Variants in INPP4B observed in about 807,000 individuals in gnomAD.
INPP4B encodes the protein inositol polyphosphate-4-phosphatase type II B.
Under a neutral mutation model 122.5 loss-of-function variants are expected in INPP4B, and 55 were observed. That is an observed-to-expected ratio of 0.45 (90% CI 0.36 to 0.56). The LOEUF (loss-of-function observed/expected upper bound fraction) is 0.56, where lower values mean the gene tolerates loss of function less well. Among genes scored for constraint, INPP4B ranks in the 20% least tolerant of loss-of-function variants. The pLI is 0.00. For missense variants in INPP4B, 1,000 were observed against 1,097.7 expected, an observed-to-expected ratio of 0.91 and a Z score of 1.26; for synonymous variants, 403 against 388.7, an observed-to-expected ratio of 1.04 and a Z score of -0.43.
At chr4:142,444,001 A>G (rs1043030934) in intron 3 of INPP4B, among the ~76,000 whole-genome samples, 9 of 152,224 alleles carry the variant, frequency 5.9e-5, no homozygotes, top group African/African-American at 2.2e-4. Flanking sequence ...CAGAAAGGGA[A>G]TATGCTAAAA....
intron 1 of INPP4B, among the ~76,000 whole-genome samples, chr4:142,772,918 C>T (rs1207346087): frequency 2.6e-5 from 4 of 152,012 alleles, no homozygotes; most frequent in Admixed American, 6.6e-5. Context: ...TGGTGGCACA[C>T]ACCTTTAATC....
intron 1 of INPP4B, among the ~76,000 whole-genome samples, chr4:142,761,219 C>T (rs1771298859): frequency 6.6e-6 from 1 of 151,176 alleles, no homozygotes; most frequent in African/African-American, 2.4e-5. Flanking sequence ...CCTTATTGAG[C>T]ATTTTTAATT....
intron 16 of INPP4B, among the ~76,000 whole-genome samples, chr4:142,168,200 G>A (rs757772041): frequency 6.6e-6 from 1 of 151,360 alleles, no homozygotes; most frequent in Non-Finnish European, 1.5e-5. Flanking sequence ...AGTATATTGA[G>A]CTTCTTGGGT....
chr4:142,169,235 A>G (rs1824346126), intron 16 of INPP4B, among the ~76,000 whole-genome samples: 1 of 151,694 alleles, frequency 6.6e-6, no homozygotes, highest in African/African-American at 2.4e-5. Context: ...GGCAATTATG[A>G]AAAACAGCAA....
At chr4:142,539,153 TAA>T (rs908177789) in intron 2 of INPP4B, among the ~76,000 whole-genome samples, 1 of 136,724 alleles carries the variant, frequency 7.3e-6, no homozygotes, top group East Asian at 4.9e-4. Context: ...TTTGAGATAA[TAA>T]AATATATATA....
At chr4:142,775,141 G>C (rs1057394943) in intron 1 of INPP4B, among the ~76,000 whole-genome samples, 2 of 152,082 alleles carry the variant, frequency 1.3e-5, no homozygotes, top group East Asian at 3.9e-4. Context: ...TCATCATACT[G>C]TATCAAGGGA....
chr4:142,329,610 AT>A (rs759617559), intron 7 of INPP4B, among the ~76,000 whole-genome samples: 33 of 152,218 alleles, frequency 2.2e-4, no homozygotes, highest in Non-Finnish European at 4.7e-4. Context: ...ATTTATCATC[AT>A]TCCTCTACTT....
At chr4:142,739,071 C>T (rs2150910550) in intron 1 of INPP4B, among the ~76,000 whole-genome samples, 1 of 152,130 alleles carries the variant, frequency 6.6e-6, no homozygotes, top group African/African-American at 2.4e-5. Flanking sequence ...CAAAACCAAA[C>T]ATAATAACAA....
chr4:142,488,421 G>A (rs770106882), intron 2 of INPP4B, among the ~76,000 whole-genome samples: 3 of 152,014 alleles, frequency 2.0e-5, no homozygotes, highest in Non-Finnish European at 4.4e-5. Context: ...TGCTCATTCC[G>A]CTTATACTTT....
chr4:142,496,956 AGGGGGGG>A (rs35192514), intron 2 of INPP4B: 1 of 149,758 alleles, frequency 6.7e-6, no homozygotes, highest in Non-Finnish European at 1.5e-5. Context: ...CTAAAAAAAA[AGGGGGGG>A]GGAAGAAAAA....
At chr4:142,059,290 A>T (rs1260826844) in intron 25 of INPP4B, among the ~76,000 whole-genome samples, 1 of 152,088 alleles carries the variant, frequency 6.6e-6, no homozygotes, top group African/African-American at 2.4e-5. Context: ...ATACCAGCTT[A>T]AAGTTCACTT....
chr4:142,271,306 C>T (rs376307593), intron 9 of INPP4B, among the ~76,000 whole-genome samples: 1 of 152,140 alleles, frequency 6.6e-6, no homozygotes, highest in African/African-American at 2.4e-5. Flanking sequence ...TCGAAAAGTA[C>T]CTTAGGAAGA....
At chr4:142,203,224 C>T (rs932073498) in intron 14 of INPP4B, among the ~76,000 whole-genome samples, 4 of 152,066 alleles carry the variant, frequency 2.6e-5, no homozygotes, top group Non-Finnish European at 5.9e-5. Flanking sequence ...TTACAAAACA[C>T]TCATGCTTAG....
At position 142,159,187 on chromosome 4, in the gene INPP4B, C is replaced by G. The variant is rs546806911; in HGVS notation, c.1563+1171G>C. Among the ~76,000 whole-genome samples the G allele has an allele frequency of 4.0e-5, 6 of 151,146 alleles. No homozygotes were observed. In the South Asian group the frequency reaches 1.2e-3, roughly 31 times the overall value. On this transcript the variant is annotated intron_variant, in intron 17 of 25. Coordinates refer to ENST00000262992, the MANE Select transcript of INPP4B (RefSeq NM_001101669.3). Reference sequence around the variant, plus strand: ...GACCACTCTAAGAGCTAACAGAACACGTGCTGTTATTTTCATTTTACAGTT... The same window carrying G: ...GACCACTCTAAGAGCTAACAGAACAGGTGCTGTTATTTTCATTTTACAGTT...
intron 2 of INPP4B, among the ~76,000 whole-genome samples, chr4:142,499,817 A>T (rs1823125791): frequency 6.6e-6 from 1 of 152,168 alleles, no homozygotes; most frequent in South Asian, 2.1e-4. Context: ...GAAATTATTT[A>T]AAACCTCTTA....
At chr4:142,683,322 C>G (rs1758895854) in intron 2 of INPP4B, among the ~76,000 whole-genome samples, 1 of 151,764 alleles carries the variant, frequency 6.6e-6, no homozygotes, top group South Asian at 2.1e-4. Context: ...AAACAAAGTA[C>G]TAAAGAGAGT....
At chr4:142,147,021 C>T (rs1285891269) in intron 17 of INPP4B, among the ~76,000 whole-genome samples, 1 of 152,198 alleles carries the variant, frequency 6.6e-6, no homozygotes, top group Non-Finnish European at 1.5e-5. Flanking sequence ...TGCCATTCCT[C>T]ACTTCCTTCG....
At chr4:142,613,007 G>C (rs1742898204) in intron 2 of INPP4B, among the ~76,000 whole-genome samples, 1 of 152,122 alleles carries the variant, frequency 6.6e-6, no homozygotes, top group Admixed American at 6.5e-5. Flanking sequence ...CTTCCTCAAA[G>C]GGAAGCATGG....
At chr4:142,299,186 C>G (rs1369967090) in intron 9 of INPP4B, among the ~76,000 whole-genome samples, 2 of 136,784 alleles carry the variant, frequency 1.5e-5, no homozygotes, top group Non-Finnish European at 3.0e-5. Flanking sequence ...GAGACAGAGT[C>G]TTGCTCTTAT....
Sources: gnomAD v4.1 joint callset for allele counts (sites outside exome capture counted in the v4.1 genomes callset) on GRCh38, gnomAD v4.1.1 for gene constraint, MANE v1.5 for transcripts, NCBI Gene and HGNC (gene_info 2026-07-23, HGNC 2026-07-21) for gene names.